Variants in MATN2 observed in about 807,000 individuals in gnomAD.
The protein encoded by MATN2 is matrilin-2.
Under a neutral mutation model 103.2 loss-of-function variants are expected in MATN2, and 69 were observed. The observed-to-expected ratio is 0.67, with a 90% CI of 0.55 to 0.82. The LOEUF (loss-of-function observed/expected upper bound fraction) is 0.82. MATN2 is among the 40% of genes least tolerant of loss of function. The probability of loss-of-function intolerance (pLI) is 0.00; values close to 1 mark genes in which losing one functional copy is unlikely to be tolerated. For missense variants in MATN2, 1,023 were observed against 1,211.5 expected, an observed-to-expected ratio of 0.84 and a Z score of 2.31; for synonymous variants, 429 against 450.2, an observed-to-expected ratio of 0.95 and a Z score of 0.60.
At chr8:97,985,652 G>A (rs1183975489) in intron 6 of MATN2, among the ~76,000 whole-genome samples, 12 of 152,126 alleles carry the variant, frequency 7.9e-5, no homozygotes. Flanking sequence ...GGTTCATTGA[G>A]GGAAACTGGT....
In MATN2 at chr8:98,007,192, G is replaced by C. The variant is rs759340535; in HGVS notation, c.1415G>C (p.Gly472Ala). The C allele has an allele frequency of 5.0e-6, 8 of 1,613,812 alleles. No individual in the cohort carries two copies. The highest frequency in any genetic ancestry group is 6.8e-6 in the Non-Finnish European group (8 of 1,179,882). The part of the protein sequence containing the change: ...EDSFVCQCSE[G>A]FLINEDLKTC... ...TCCTTCGTCTGCCAGTGCTCAGAAG[G>C]CTTCCTCATCAACGAGGACCTCAAG... The change falls in exon 9 of 19, where the codon GGC becomes GCC. Residue 472 changes from glycine (G) to alanine (A), a missense_variant. Gly to Ala is a moderately conservative substitution (Grantham distance 60). Transcript: ENST00000254898. This position sits in a 1 kb window ranked among gnomAD's most constrained non-coding sequence, Gnocchi z 4.2.
intron 5 of MATN2, among the ~76,000 whole-genome samples, chr8:97,977,805 T>C (rs1811887617): frequency 6.6e-6 from 1 of 151,880 alleles, no homozygotes; most frequent in East Asian, 1.9e-4. Flanking sequence ...CCAGGCAGAG[T>C]CCCACCTCCT....
intron 4 of MATN2, among the ~76,000 whole-genome samples, chr8:97,951,785 G>T (rs1479904430): frequency 2.0e-5 from 3 of 152,122 alleles, no homozygotes; most frequent in African/African-American, 7.2e-5. Flanking sequence ...AGATTTCACT[G>T]TATTTTAGAA....
At chr8:97,902,457 A>T (rs1480001749) in intron 2 of MATN2, among the ~76,000 whole-genome samples, 1 of 149,974 alleles carries the variant, frequency 6.7e-6, no homozygotes, top group Non-Finnish European at 1.5e-5. Flanking sequence ...AGATCGCACC[A>T]TTGCACTCCA....
At chr8:97,970,250 A>G (rs1227244017) in intron 5 of MATN2, among the ~76,000 whole-genome samples, 3 of 152,182 alleles carry the variant, frequency 2.0e-5, no homozygotes, top group Non-Finnish European at 4.4e-5. Flanking sequence ...CAATGATAGT[A>G]AGGGATGGTA....
At chr8:98,019,435 T>G (rs971243855) in intron 12 of MATN2, among the ~76,000 whole-genome samples, 3 of 152,168 alleles carry the variant, frequency 2.0e-5, no homozygotes, top group African/African-American at 7.2e-5. Flanking sequence ...TCTTTAGGCC[T>G]TCAAGTGATT....
intron 2 of MATN2, among the ~76,000 whole-genome samples, chr8:97,893,302 A>C (rs1427737687): frequency 6.6e-6 from 1 of 152,088 alleles, no homozygotes; most frequent in Non-Finnish European, 1.5e-5. Context: ...AACCCTTTGG[A>C]CTTGGATTCT....
chr8:98,012,308 T>C (rs935917852), intron 10 of MATN2, among the ~76,000 whole-genome samples: 4 of 152,164 alleles, frequency 2.6e-5, no homozygotes, highest in African/African-American at 7.2e-5. Flanking sequence ...AGAGACAGCG[T>C]CCATTCCTTA....
intron 3 of MATN2, among the ~76,000 whole-genome samples, chr8:97,939,401 C>T (rs138875783): frequency 2.0e-5 from 3 of 152,240 alleles, no homozygotes; most frequent in Admixed American, 1.3e-4. Flanking sequence ...AAAAAAACCA[C>T]GGTGCTAAGT....
At chr8:97,983,221 CTTTTT>C (rs1057270213) in intron 6 of MATN2, among the ~76,000 whole-genome samples, 1 of 152,142 alleles carries the variant, frequency 6.6e-6, no homozygotes, top group African/African-American at 2.4e-5. Flanking sequence ...AATTTCCTTC[CTTTTT>C]AAGACTGCAT....
At chr8:98,032,396 A>G in intron 16 of MATN2, 79 bp downstream of exon 16, 1 of 1,041,966 alleles carries the variant, frequency 9.6e-7, no homozygotes, top group Non-Finnish European at 1.4e-6. Flanking sequence ...GCTGTAAAGA[A>G]GTGAATGTAA....
In MATN2 at chr8:97,895,711, C is replaced by T. The variant is rs1041922381; in HGVS notation, c.142+7469C>T. ...TTCTCATAGCACCTATGAAAGGCAA[C>T]TCTCATTTACTGAGCCCCTGCTGTG... On this transcript the variant is annotated intron_variant, in intron 2 of 18. Transcript: ENST00000254898. 4.6e-5 allele frequency among the ~76,000 whole-genome samples: 7 copies of T among 152,336 alleles called. No homozygotes were observed. In the South Asian group the frequency reaches 1.4e-3, roughly 32 times the overall value.
intron 2 of MATN2, among the ~76,000 whole-genome samples, chr8:97,906,078 G>T (rs1049536933): frequency 6.6e-5 from 10 of 152,086 alleles, no homozygotes; most frequent in Non-Finnish European, 1.3e-4. Flanking sequence ...GGGAAATATG[G>T]TAATTCTATG....
intron 2 of MATN2, among the ~76,000 whole-genome samples, chr8:97,898,332 A>G (rs1005020393): frequency 2.0e-4 from 31 of 152,194 alleles, no homozygotes; most frequent in African/African-American, 7.2e-4. Flanking sequence ...GCGGTGGCTC[A>G]TGCCTGTAAT....
At chr8:97,874,406 C>CTTCTTT (rs371042037) in intron 1 of MATN2, among the ~76,000 whole-genome samples, 19 of 136,086 alleles carry the variant, frequency 1.4e-4, no homozygotes, top group South Asian at 2.4e-4. Flanking sequence ...TCTTCTTCTT[C>CTTCTTT]TTTTTTTTTT....
At position 98,033,541 on chromosome 8, in the gene MATN2, C is replaced by T. The variant is rs1814115672; in HGVS notation, c.2717-20C>T. The stretch of plus-strand genomic sequence containing the variant: ...GTCTGGTGGATTCTAGAGGTGAACA[C>T]TTTCCATCTGCTTTCTCAGGAAGCC... On this transcript the variant is annotated intron_variant, in intron 17 of 18. Coordinates refer to ENST00000254898, the MANE Select transcript of MATN2 (RefSeq NM_002380.5). The T allele has an allele frequency of 1.4e-6, 2 of 1,429,726 alleles. No homozygotes were observed. Among genetic ancestry groups the T allele is most frequent in the Non-Finnish European group, 1.9e-6 (2 of 1,034,880 alleles). The allele number at this position is 1,429,726 out of a possible 1,614,324, so 88.6% of individuals were successfully genotyped here.
In MATN2 at chr8:97,900,734, G is replaced by A. The variant is rs529510327; in HGVS notation, c.142+12492G>A. On this transcript the variant is annotated intron_variant, in intron 2 of 18. Coordinates refer to ENST00000254898, the MANE Select transcript of MATN2 (RefSeq NM_002380.5). ...GCGGATCACGAGGTCAGGAGATTGA[G>A]GCCGTCCTGGCTAACACGGTGAAAC... Among the ~76,000 whole-genome samples the A allele has an allele frequency of 2.0e-5, 3 of 152,302 alleles. No individual in the cohort carries two copies. In the East Asian group the frequency reaches 5.8e-4, roughly 29 times the overall value.
intron 2 of MATN2, among the ~76,000 whole-genome samples, chr8:97,900,151 G>C (rs1818933276): frequency 6.6e-6 from 1 of 152,232 alleles, no homozygotes; most frequent in African/African-American, 2.4e-5. Flanking sequence ...AGGGGAGGCT[G>C]ATTTATAGGG....
At chr8:97,950,390 A>G (rs1810905380) in intron 4 of MATN2, among the ~76,000 whole-genome samples, 1 of 152,168 alleles carries the variant, frequency 6.6e-6, no homozygotes, top group Non-Finnish European at 1.5e-5. Flanking sequence ...GGGCAAAACC[A>G]GGTCATTTTA....
Sources: gnomAD v4.1 joint callset for allele counts (sites outside exome capture counted in the v4.1 genomes callset) on GRCh38, gnomAD v4.1.1 for gene constraint, Gnocchi (gnomAD v3.1) non-coding constraint, MANE v1.5 for transcripts, NCBI Gene and HGNC (gene_info 2026-07-23, HGNC 2026-07-21) for gene names.